ANKFN1: variants seen among roughly 807,000 people sequenced by gnomAD.
ANKFN1 encodes the protein ankyrin repeat and fibronectin type-III domain-containing protein 1.
ANKFN1 carries 74 observed loss-of-function variants against 108.7 expected under a neutral mutation model. The observed-to-expected ratio is 0.68, with a 90% CI of 0.56 to 0.83. The LOEUF (loss-of-function observed/expected upper bound fraction) is 0.83. ANKFN1 is among the 40% of genes least tolerant of loss of function. ANKFN1 has a pLI of 0.00. For missense variants in ANKFN1, 1,505 were observed against 1,382.3 expected (o/e 1.09, Z -1.41); for synonymous variants, 547 against 516.2 (o/e 1.06, Z -0.81).
intron 8 of ANKFN1, among the ~76,000 whole-genome samples, chr17:56,413,978 A>G (rs1431368655): frequency 6.6e-6 from 1 of 152,050 alleles, no homozygotes; most frequent in Non-Finnish European, 1.5e-5. Context: ...GCATCCAGCC[A>G]TGAATCACAT....
chr17:56,200,724 A>G (rs919666785), intron 1 of ANKFN1, among the ~76,000 whole-genome samples: 1 of 152,192 alleles, frequency 6.6e-6, no homozygotes, highest in Non-Finnish European at 1.5e-5. Context: ...TCAGGTACAG[A>G]TTACCTGAGA....
At chr17:56,233,507 A>G (rs566864683) in intron 3 of ANKFN1, among the ~76,000 whole-genome samples, 12 of 152,144 alleles carry the variant, frequency 7.9e-5, no homozygotes, top group African/African-American at 2.9e-4. Context: ...CAAACATTTT[A>G]CCTTTCTGTC....
At chr17:56,457,044 T>C in intron 12 of ANKFN1, 84 bp downstream of exon 12, 1 of 1,321,064 alleles carries the variant, frequency 7.6e-7, no homozygotes, top group Non-Finnish European at 1.0e-6. Context: ...TTGGTAGAAA[T>C]TTTTTTGTGT....
At chr17:56,048,056 C>T (rs540763217) in intron 4 of ANKFN1, among the ~76,000 whole-genome samples, 10 of 152,282 alleles carry the variant, frequency 6.6e-5, no homozygotes, top group African/African-American at 1.4e-4. Flanking sequence ...ATTTTTGACA[C>T]GGTTGTAACT....
intron 3 of ANKFN1, among the ~76,000 whole-genome samples, chr17:56,299,932 C>G (rs2044625804): frequency 6.6e-6 from 1 of 152,144 alleles, no homozygotes; most frequent in Non-Finnish European, 1.5e-5. Flanking sequence ...TCTCAATGCT[C>G]AACAAAAAGT....
At chr17:56,085,867 T>C (rs2143177899) in intron 4 of ANKFN1, among the ~76,000 whole-genome samples, 1 of 151,454 alleles carries the variant, frequency 6.6e-6, no homozygotes, top group Middle Eastern at 3.4e-3. Context: ...AAGCAGGCTG[T>C]GATGAACAAA....
At chr17:56,200,196 T>A (rs1282700591) in intron 1 of ANKFN1, among the ~76,000 whole-genome samples, 1 of 152,106 alleles carries the variant, frequency 6.6e-6, no homozygotes, top group Non-Finnish European at 1.5e-5. Context: ...TGCCAAAGAA[T>A]CCAAGAAAAA....
intron 4 of ANKFN1, among the ~76,000 whole-genome samples, chr17:56,339,245 GC>G (rs2045898120): frequency 6.6e-6 from 1 of 152,018 alleles, no homozygotes; most frequent in South Asian, 2.1e-4. Context: ...ATAAGTTTAT[GC>G]TCTCTTTATA....
chr17:56,234,770 G>A (rs986612463), intron 3 of ANKFN1, among the ~76,000 whole-genome samples: 1 of 152,082 alleles, frequency 6.6e-6, no homozygotes, highest in African/African-American at 2.4e-5. Context: ...CATTTAGGTT[G>A]ATTCCATATA....
rs144706323 is a variant in ANKFN1 at position 56,381,417 on chromosome 17, C to T, written c.910+6703C>T. ...AAAGAACGCAGTTCCTCACCAGCAA[C>T]GGAACAAAGCTGGACAGAGAATGAC... On this transcript the variant is annotated intron_variant, in intron 8 of 20. Transcript: ENST00000682825. Among the ~76,000 whole-genome samples, 796 of 152,244 alleles carry T rather than the reference C, an allele frequency of 5.2e-3. 2 individuals are homozygous for T. The highest frequency in any genetic ancestry group is 8.1e-3 in the Non-Finnish European group (553 of 68,034).
At chr17:56,412,821 T>A (rs1228677950) in intron 8 of ANKFN1, among the ~76,000 whole-genome samples, 1 of 152,166 alleles carries the variant, frequency 6.6e-6, no homozygotes, top group Non-Finnish European at 1.5e-5. Context: ...ATCATGTGAG[T>A]CAATACTCCT....
At chr17:56,326,772 T>G (rs1388884576) in intron 4 of ANKFN1, among the ~76,000 whole-genome samples, 2 of 152,240 alleles carry the variant, frequency 1.3e-5, no homozygotes. Flanking sequence ...TCCATCATGC[T>G]GATAATCCTG....
chr17:56,210,049 GATAGATAGATAC>G (rs1272910689), intron 1 of ANKFN1, among the ~76,000 whole-genome samples: 24 of 144,234 alleles, frequency 1.7e-4, no homozygotes, highest in South Asian at 4.5e-4. Context: ...ATTATAGATA[GATAGATAGATAC>G]ATAGATAGAT....
chr17:56,186,163 G>A (rs1374069897), intron 1 of ANKFN1, among the ~76,000 whole-genome samples: 2 of 152,184 alleles, frequency 1.3e-5, no homozygotes, highest in East Asian at 3.9e-4. Flanking sequence ...GTAGCCAGAA[G>A]AATAAATGCT....
chr17:56,053,780 G>A (rs1446292828), intron 4 of ANKFN1, among the ~76,000 whole-genome samples: 1 of 152,162 alleles, frequency 6.6e-6, no homozygotes, highest in East Asian at 1.9e-4. Context: ...AACAGTGCAT[G>A]TAGGTTCCCT....
At chr17:56,295,438 G>A (rs1325002186) in intron 3 of ANKFN1, among the ~76,000 whole-genome samples, 2 of 152,170 alleles carry the variant, frequency 1.3e-5, no homozygotes, top group Non-Finnish European at 2.9e-5. Flanking sequence ...TTGAAGAGCA[G>A]CAGCTGCTTG....
chr17:56,465,368 C>A (rs2050040680), intron 14 of ANKFN1, among the ~76,000 whole-genome samples: 1 of 152,172 alleles, frequency 6.6e-6, no homozygotes, highest in South Asian at 2.1e-4. Flanking sequence ...GCAGTCCCTA[C>A]CTGTGAGGGA....
intron 3 of ANKFN1, among the ~76,000 whole-genome samples, chr17:56,279,603 TTC>T (rs1416929378): frequency 6.6e-6 from 1 of 152,168 alleles, no homozygotes; most frequent in Non-Finnish European, 1.5e-5. Context: ...TCTCTGTTTT[TTC>T]TCTTTGTTGC....
At chr17:56,142,234 G>A (rs554120962) in intron 4 of ANKFN1, among the ~76,000 whole-genome samples, 2 of 152,140 alleles carry the variant, frequency 1.3e-5, no homozygotes, top group African/African-American at 4.8e-5. Context: ...TGGCCAGCTA[G>A]GGCTTACTTT....
Sources: gnomAD v4.1 joint callset for allele counts (sites outside exome capture counted in the v4.1 genomes callset) on GRCh38, gnomAD v4.1.1 for gene constraint, MANE v1.5 for transcripts, NCBI Gene and HGNC (gene_info 2026-07-23, HGNC 2026-07-21) for gene names.